Variants in CDC42BPB observed in about 807,000 individuals in gnomAD.
CDC42BPB encodes serine/threonine-protein kinase MRCK beta.
CDC42BPB carries 37 observed loss-of-function variants against 214.9 expected under a neutral mutation model. That is an observed-to-expected ratio of 0.17 (90% CI 0.13 to 0.23). The LOEUF is 0.23. Among genes scored for constraint, CDC42BPB ranks in the 10% least tolerant of loss-of-function variants. The pLI, the probability that CDC42BPB is intolerant of heterozygous loss-of-function variation, is 1.00. For synonymous variants in CDC42BPB, 931 were observed against 884.0 expected, an observed-to-expected ratio of 1.05 and a Z score of -0.94; for missense variants, 1,694 against 2,227.0, an observed-to-expected ratio of 0.76 and a Z score of 4.82.
chr14:103,056,567 G>A (rs1278766455), intron 1 of CDC42BPB, among the ~76,000 whole-genome samples: 1 of 148,360 alleles, frequency 6.7e-6, no homozygotes, highest in African/African-American at 2.6e-5. Flanking sequence ...GGCGAGGTGC[G>A]GGGGCGGGGG....
Position 102,963,087 on chromosome 14 carries a change from A to C in CDC42BPB, c.2795T>G (p.Met932Arg). The C allele has an allele frequency of 6.4e-7, 1 of 1,558,428 alleles. No individual in the cohort carries two copies. Reference sequence around the variant, plus strand: ...AGTATCTGCTCTGAATTTTTCTTCCATCTTTTTCTTCAAAATTTCCATTTC... The same window carrying C: ...AGTATCTGCTCTGAATTTTTCTTCCCTCTTTTTCTTCAAAATTTCCATTTC... Reference protein sequence around the residue: ...LEEMEILKKKMEEKFRADTGL... With the variant: ...LEEMEILKKKREEKFRADTGL... The change falls in exon 20 of 37, where the codon ATG (methionine) becomes AGG (arginine). Residue 932 changes from methionine (M) to arginine (R), a missense_variant. Coordinates refer to ENST00000361246, the MANE Select transcript of CDC42BPB (RefSeq NM_006035.4).
intron 14 of CDC42BPB, among the ~76,000 whole-genome samples, chr14:102,969,065 C>T (rs576081629): frequency 2.0e-4 from 31 of 152,336 alleles, no homozygotes; most frequent in East Asian, 5.8e-4. Flanking sequence ...TTGGGGCTGG[C>T]GGGAACTGAC....
intron 2 of CDC42BPB, 117 bp from the exon 3 acceptor site, chr14:103,008,672 C>A: frequency 1.4e-6 from 2 of 1,475,602 alleles, no homozygotes; most frequent in Admixed American, 2.3e-5. Flanking sequence ...CAGCAGTGAC[C>A]GAAAGCCAAG....
Position 102,944,498 on chromosome 14 carries a change from G to C in CDC42BPB, c.3812-11C>G. ...CGGCACGGACGATCACTGTGGCAAG[G>C]AGGACAAGAGCGTGAGGCCGACGGG... On this transcript the variant is annotated splice_polypyrimidine_tract_variant and intron_variant, in intron 29 of 36. Transcript: ENST00000361246. The surrounding 1 kb of genome is among the most constrained non-coding windows in gnomAD (Gnocchi z 6.6). 6.2e-7 allele frequency: 1 copy of C among 1,602,974 alleles called. No individual in the cohort carries two copies.
In CDC42BPB at chr14:102,943,717, CG is replaced by C. The variant is rs1405308053; in HGVS notation, c.4408+173del. 1 of 604,970 alleles carries C rather than the reference CG, an allele frequency of 1.7e-6. No homozygotes were observed. The highest frequency in any genetic ancestry group is 2.9e-6 in the Non-Finnish European group (1 of 348,174). 37.5% of individuals were successfully genotyped at this position (604,970 alleles called of 1,614,324 possible). A position where few individuals can be genotyped will look rare whatever the true frequency, so the allele number is the denominator to read the frequency against. ...GAGCCCGCCTACTGCTGGTCTGAGA[CG>C]TGAGATCTGAACCATGCTCTCTGCT... On this transcript the variant is annotated intron_variant, in intron 30 of 36. Coordinates refer to ENST00000361246, the MANE Select transcript of CDC42BPB (RefSeq NM_006035.4). The surrounding 1 kb of genome is among the most constrained non-coding windows in gnomAD (Gnocchi z 4.6).
At chr14:102,962,871 C>T (rs1056868167) in intron 20 of CDC42BPB, among the ~76,000 whole-genome samples, 190 bp downstream of exon 20, 2 of 151,996 alleles carry the variant, frequency 1.3e-5, no homozygotes, top group Non-Finnish European at 2.9e-5. Flanking sequence ...AAGGATAAAC[C>T]AAAAACAATG....
At chr14:103,006,325 C>T (rs575801108) in intron 3 of CDC42BPB, among the ~76,000 whole-genome samples, 1 of 152,360 alleles carries the variant, frequency 6.6e-6, no homozygotes, top group African/African-American at 2.4e-5. Context: ...CCGGGGCTGC[C>T]CCGAGGATCT....
chr14:102,991,897 A>T (rs1371659375), intron 5 of CDC42BPB, among the ~76,000 whole-genome samples: 1 of 152,270 alleles, frequency 6.6e-6, no homozygotes, highest in Non-Finnish European at 1.5e-5. Context: ...ATGCTTTCAG[A>T]GCCTCACTGT....
At chr14:103,012,531 G>A (rs1014818951) in intron 1 of CDC42BPB, among the ~76,000 whole-genome samples, 1 of 152,130 alleles carries the variant, frequency 6.6e-6, no homozygotes, top group Non-Finnish European at 1.5e-5. Context: ...ATGGCCAGGC[G>A]CGGTGGCTCA....
rs1892069858 is a variant in CDC42BPB at position 102,944,683 on chromosome 14, C to G, written c.3812-196G>C. The stretch of plus-strand genomic sequence containing the variant: ...GTGGCTTGAACGCCCCCCGGAGAAG[C>G]TGCCCCACATCCACAGCGCGCTCCT... On this transcript the variant is annotated intron_variant, in intron 29 of 36. Coordinates refer to ENST00000361246, the MANE Select transcript of CDC42BPB (RefSeq NM_006035.4). This position sits in a 1 kb window ranked among gnomAD's most constrained non-coding sequence, Gnocchi z 6.6. The G allele has an allele frequency of 6.1e-6, 6 of 985,284 alleles. No homozygotes were observed. The highest frequency in any genetic ancestry group is 7.2e-6 in the Non-Finnish European group (6 of 829,824). The allele number at this position is 985,284 out of a possible 1,614,324, so 61.0% of individuals were successfully genotyped here. A position where few individuals can be genotyped will look rare whatever the true frequency, so the allele number is the denominator to read the frequency against.
chr14:103,022,930 C>G (rs887880083), intron 1 of CDC42BPB, among the ~76,000 whole-genome samples: 6 of 152,162 alleles, frequency 3.9e-5, no homozygotes, highest in African/African-American at 1.4e-4. Flanking sequence ...CAGTCCACAC[C>G]AGTTCTCTTA....
intron 1 of CDC42BPB, among the ~76,000 whole-genome samples, chr14:103,053,236 T>C (rs540512671): frequency 6.6e-6 from 1 of 151,822 alleles, no homozygotes; most frequent in East Asian, 2.0e-4. Flanking sequence ...TAATCCCAGC[T>C]ACTCGGGAGA....
intron 1 of CDC42BPB, among the ~76,000 whole-genome samples, chr14:103,040,514 A>G (rs1240766281): frequency 1.3e-5 from 2 of 151,948 alleles, no homozygotes; most frequent in Non-Finnish European, 2.9e-5. Flanking sequence ...GCTGGGGTGC[A>G]GTGGCGTGAT....
intron 22 of CDC42BPB, 37 bp downstream of exon 22, chr14:102,954,565 C>T (rs368724102): frequency 3.8e-6 from 6 of 1,574,978 alleles, no homozygotes; most frequent in South Asian, 1.1e-5. Context: ...GAGGGCAGAC[C>T]CCAGGTGGGA....
intron 6 of CDC42BPB, among the ~76,000 whole-genome samples, chr14:102,985,579 C>A (rs1894209078): frequency 6.6e-6 from 1 of 152,208 alleles, no homozygotes; most frequent in Admixed American, 6.5e-5. Flanking sequence ...AAGAGACTGG[C>A]TTTGTGGAAT....
At chr14:103,041,809 C>T (rs757913201) in intron 1 of CDC42BPB, 2 of 413,246 alleles carry the variant, frequency 4.8e-6, no homozygotes, top group Non-Finnish European at 9.3e-6. Context: ...CAAGGTGCGG[C>T]GGCTGAAGGA....
chr14:102,988,843 AAAAAC>A (rs927370304), intron 5 of CDC42BPB, among the ~76,000 whole-genome samples: 6 of 150,844 alleles, frequency 4.0e-5, no homozygotes, highest in Admixed American at 2.0e-4. Context: ...AAAAATACTA[AAAAAC>A]AAAACAAAAC....
intron 23 of CDC42BPB, 104 bp from the exon 24 acceptor site, chr14:102,952,707 A>G: frequency 1.3e-6 from 2 of 1,497,662 alleles, no homozygotes; most frequent in East Asian, 2.5e-5. Context: ...ATTATCCTGA[A>G]AAGGTGGAAA....
At chr14:103,055,814 G>A (rs1888916831) in intron 1 of CDC42BPB, among the ~76,000 whole-genome samples, 2 of 152,202 alleles carry the variant, frequency 1.3e-5, no homozygotes, top group Admixed American at 6.5e-5. Flanking sequence ...GCCTCACTGT[G>A]GAACACTTTC....
Sources: gnomAD v4.1 joint callset for allele counts (sites outside exome capture counted in the v4.1 genomes callset) on GRCh38, gnomAD v4.1.1 for gene constraint, Gnocchi (gnomAD v3.1) non-coding constraint, MANE v1.5 for transcripts, NCBI Gene and HGNC (gene_info 2026-07-23, HGNC 2026-07-21) for gene names.